LRMDA: variants seen among roughly 807,000 people sequenced by gnomAD.
The protein encoded by LRMDA is leucine rich melanocyte differentiation associated.
In LRMDA, 18 loss-of-function variants were observed where a neutral mutation model predicts 29.8. The observed-to-expected ratio is 0.60, with a 90% CI of 0.42 to 0.90. The LOEUF (loss-of-function observed/expected upper bound fraction) is 0.90. Among genes scored for constraint, LRMDA ranks in the 40% least tolerant of loss-of-function variants. The pLI is 0.00. For synonymous variants in LRMDA, 125 were observed against 109.4 expected (o/e 1.14, Z -0.89); for missense variants, 273 against 273.9 (o/e 1.00, Z 0.02).
chr10:75,809,498 C>A (rs541590640), intron 2 of LRMDA, among the ~76,000 whole-genome samples: 2 of 152,192 alleles, frequency 1.3e-5, no homozygotes, highest in East Asian at 3.9e-4. Flanking sequence ...CAAAAATTAG[C>A]CAGGCGTGGT....
At chr10:75,713,433 A>C (rs1842461205) in intron 2 of LRMDA, among the ~76,000 whole-genome samples, 1 of 152,234 alleles carries the variant, frequency 6.6e-6, no homozygotes, top group African/African-American at 2.4e-5. Flanking sequence ...TTAAAGGTAT[A>C]TTTTATATTT....
At chr10:75,883,842 AC>A (rs2132346359) in intron 2 of LRMDA, among the ~76,000 whole-genome samples, 2 of 151,430 alleles carry the variant, frequency 1.3e-5, no homozygotes, top group South Asian at 4.2e-4. Flanking sequence ...GAAGGAGATG[AC>A]ATGAGGAGAT....
At chr10:76,454,738 G>A (rs1842440568) in intron 6 of LRMDA, among the ~76,000 whole-genome samples, 1 of 151,372 alleles carries the variant, frequency 6.6e-6, no homozygotes, top group Non-Finnish European at 1.5e-5. Flanking sequence ...TCTGGAAACT[G>A]CCAGGACTAT....
intron 2 of LRMDA, among the ~76,000 whole-genome samples, chr10:75,707,343 A>G (rs993885807): frequency 1.3e-5 from 2 of 152,224 alleles, no homozygotes; most frequent in African/African-American, 4.8e-5. Flanking sequence ...GCTGCTCTGA[A>G]AGAACCATCC....
chr10:75,709,203 TC>T (rs1284470547), intron 2 of LRMDA, among the ~76,000 whole-genome samples: 1 of 152,200 alleles, frequency 6.6e-6, no homozygotes, highest in East Asian at 1.9e-4. Flanking sequence ...AAAAAGGTTT[TC>T]CCCAGTTATT....
At chr10:76,524,504 G>A (rs369788038) in intron 6 of LRMDA, among the ~76,000 whole-genome samples, 1 of 152,242 alleles carries the variant, frequency 6.6e-6, no homozygotes, top group Non-Finnish European at 1.5e-5. Flanking sequence ...TTCAGTGCAG[G>A]CTTTTGTTTG....
intron 2 of LRMDA, among the ~76,000 whole-genome samples, chr10:75,560,009 G>A (rs1840269949): frequency 2.0e-5 from 3 of 150,862 alleles, no homozygotes; most frequent in East Asian, 2.0e-4. Flanking sequence ...TTGGCTTGGC[G>A]ATGTGGGCTC....
intron 6 of LRMDA, among the ~76,000 whole-genome samples, chr10:76,422,755 T>G (rs965874957): frequency 1.3e-5 from 2 of 152,236 alleles, no homozygotes; most frequent in Non-Finnish European, 2.9e-5. Flanking sequence ...AGTGAAAGGT[T>G]TGCTGTTGTT....
At chr10:76,284,626 GT>G (rs200886202) in intron 5 of LRMDA, among the ~76,000 whole-genome samples, 5 of 151,958 alleles carry the variant, frequency 3.3e-5, no homozygotes, top group African/African-American at 9.6e-5. Context: ...GAAATCTTGG[GT>G]TTTTTTTGTA....
At chr10:75,905,555 GTC>G (rs928379443) in intron 2 of LRMDA, among the ~76,000 whole-genome samples, 5 of 151,598 alleles carry the variant, frequency 3.3e-5, no homozygotes, top group African/African-American at 9.7e-5. Context: ...AAAAAAAAGA[GTC>G]TGTCAAAATG....
intron 2 of LRMDA, among the ~76,000 whole-genome samples, chr10:75,726,500 T>C (rs1842632614): frequency 6.6e-6 from 1 of 152,212 alleles, no homozygotes; most frequent in Admixed American, 6.5e-5. Flanking sequence ...GGGCTATAAC[T>C]TGTTATGCCT....
chr10:76,113,595 A>G (rs971864493), intron 5 of LRMDA, among the ~76,000 whole-genome samples: 4 of 151,910 alleles, frequency 2.6e-5, no homozygotes, highest in Non-Finnish European at 4.4e-5. Flanking sequence ...CCCCTTTTTC[A>G]GATTTCCCCC....
At chr10:75,577,983 A>G (rs1424846262) in intron 2 of LRMDA, among the ~76,000 whole-genome samples, 1 of 152,090 alleles carries the variant, frequency 6.6e-6, no homozygotes, top group Non-Finnish European at 1.5e-5. Context: ...GCATCAACTA[A>G]CAGGCAAAAT....
chr10:75,468,943 GA>G (rs1160916925), intron 2 of LRMDA, among the ~76,000 whole-genome samples: 1 of 151,848 alleles, frequency 6.6e-6, no homozygotes, highest in Non-Finnish European at 1.5e-5. Flanking sequence ...AGGACGAGAG[GA>G]AAAAAGGGAG....
At chr10:75,837,869 T>C (rs1476897166) in intron 2 of LRMDA, among the ~76,000 whole-genome samples, 1 of 152,224 alleles carries the variant, frequency 6.6e-6, no homozygotes, top group African/African-American at 2.4e-5. Context: ...GGTTAAGATT[T>C]CTTGATTTTT....
At chr10:75,770,512 G>A (rs534953019) in intron 2 of LRMDA, among the ~76,000 whole-genome samples, 103 of 152,334 alleles carry the variant, frequency 6.8e-4, no homozygotes, top group Non-Finnish European at 1.1e-3. Flanking sequence ...CCAAAAGTAA[G>A]CCTTCTTCCC....
intron 6 of LRMDA, among the ~76,000 whole-genome samples, chr10:76,513,982 A>G (rs987640480): frequency 6.6e-6 from 1 of 152,160 alleles, no homozygotes; most frequent in African/African-American, 2.4e-5. Flanking sequence ...TGGTTGAGAC[A>G]CAGAACAAAT....
intron 2 of LRMDA, among the ~76,000 whole-genome samples, chr10:75,729,577 T>C (rs1253305682): frequency 1.3e-5 from 2 of 152,060 alleles, no homozygotes; most frequent in African/African-American, 4.8e-5. Context: ...TTTCTTGGTG[T>C]GGGAAGGGTG....
At chr10:75,913,175 C>A (rs73293365) in intron 2 of LRMDA, among the ~76,000 whole-genome samples, 2,349 of 152,152 alleles carry the variant, frequency 0.015, 58 homozygotes, top group African/African-American at 0.053. Flanking sequence ...AAAACATTTT[C>A]TGGCTGGGTA....
Sources: gnomAD v4.1 joint callset for allele counts (sites outside exome capture counted in the v4.1 genomes callset) on GRCh38, gnomAD v4.1.1 for gene constraint, MANE v1.5 for transcripts, NCBI Gene and HGNC (gene_info 2026-07-23, HGNC 2026-07-21) for gene names.